CENPK: variants seen among roughly 807,000 people sequenced by gnomAD.
CENPK encodes the protein centromere protein K.
A neutral mutation model predicts 40.9 loss-of-function variants in CENPK; 46 were observed. The ratio of observed to expected loss-of-function variants is 1.13; its 90% CI spans 0.89 to 1.44. CENPK has a LOEUF of 1.44. CENPK is among the 40% of genes most tolerant of loss of function. The pLI, the probability that CENPK is intolerant of heterozygous loss-of-function variation, is 0.00. For missense variants in CENPK, 288 were observed against 303.5 expected (o/e 0.95, Z 0.38); for synonymous variants, 107 against 104.4 (o/e 1.02, Z -0.15).
At chr5:65,554,967 T>C (rs1730556237) in intron 2 of CENPK, 21 bp from the exon 3 acceptor site, 1 of 989,342 alleles carries the variant, frequency 1.0e-6, no homozygotes. Flanking sequence ...AAATATTTAT[T>C]CATTCAGCAG....
chr5:65,510,128 C>T, the CENPK span, among the ~76,000 whole-genome samples: 5 of 152,060 alleles, frequency 3.3e-5, no homozygotes, highest in Non-Finnish European at 5.9e-5. Context: ...TTTAAATCAA[C>T]AGCTGAAAAA....
intron 6 of CENPK, among the ~76,000 whole-genome samples, chr5:65,541,023 A>G (rs1357061744): frequency 1.3e-5 from 2 of 151,952 alleles, no homozygotes; most frequent in East Asian, 1.9e-4. Context: ...GGCTTTTGCC[A>G]TATTGCCCAG....
chr5:65,499,741 A>C, the CENPK span, among the ~76,000 whole-genome samples: 1 of 120,682 alleles, frequency 8.3e-6, no homozygotes, highest in Non-Finnish European at 1.7e-5. Context: ...ATATGTATAC[A>C]TGTGCCATGC....
chr5:65,536,635 T>A (rs71626581), intron 6 of CENPK, among the ~76,000 whole-genome samples: 51,941 of 150,464 alleles, frequency 0.35, 9,396 homozygotes, highest in East Asian at 0.57. Flanking sequence ...AGAAAAAATA[T>A]ATATATATGT....
Position 65,529,144 on chromosome 5 carries a change from T to C in CENPK, c.344A>G (p.Asn115Ser), listed in dbSNP as rs1745280061. Residue 115 changes from asparagine to serine, a missense_variant, in exon 7 of 11, where the codon AAT becomes AGT. Asn to Ser is a conservative substitution (Grantham distance 46). Coordinates refer to ENST00000396679, the MANE Select transcript of CENPK (RefSeq NM_022145.5). ...EMVLSTKESKNEKLKEDLERE... is the reference protein window; with the variant it reads ...EMVLSTKESKSEKLKEDLERE... ...TTCTAAGTCTTCCTTTAACTTTTCA[T>C]TCTTTGACTCCTTAGTGGACAGTAC... 1 of 1,610,854 alleles carries C rather than the reference T, an allele frequency of 6.2e-7. No individual in the cohort carries two copies.
At chr5:65,514,263 G>GTTTTTTTTTTTTTTTTTTTTTTTTTTTT (rs59636233), downstream of CENPK, among the ~76,000 whole-genome samples, 5 of 27,732 alleles carry the variant, frequency 1.8e-4, no homozygotes, top group South Asian at 2.0e-3. Context: ...TTTTTTTTTA[G>GTTTTTTTTTTTTTTTTTTTTTTTTTTTT]TTTTTTTTAG....
intron 4 of CENPK, 120 bp from the exon 5 acceptor site, chr5:65,551,756 G>A (rs1003090125): frequency 2.9e-5 from 14 of 475,732 alleles, no homozygotes; most frequent in Middle Eastern, 8.3e-4. Context: ...TAACTCTCAC[G>A]CTGCTCCAGA....
chr5:65,553,140 A>C (rs574812847), intron 3 of CENPK, among the ~76,000 whole-genome samples: 1 of 152,302 alleles, frequency 6.6e-6, no homozygotes, highest in African/African-American at 2.4e-5. Flanking sequence ...AATTATCCTG[A>C]AAATACATTA....
the CENPK span, among the ~76,000 whole-genome samples, chr5:65,509,757 T>C: frequency 6.6e-6 from 1 of 152,224 alleles, no homozygotes; most frequent in Non-Finnish European, 1.5e-5. Context: ...TTGGTAACCC[T>C]GTGTTGAGCA....
At chr5:65,533,119 G>A (rs1330565036) in intron 6 of CENPK, among the ~76,000 whole-genome samples, 2 of 151,764 alleles carry the variant, frequency 1.3e-5, no homozygotes, top group African/African-American at 4.8e-5. Context: ...CAGCACTTTG[G>A]GAGGCCGAGG....
intron 5 of CENPK, among the ~76,000 whole-genome samples, chr5:65,545,338 A>ATG (rs1748717763): frequency 2.9e-5 from 1 of 34,224 alleles, no homozygotes; most frequent in Non-Finnish European, 9.3e-5. Flanking sequence ...ACACACACAC[A>ATG]CACACACACA....
chr5:65,559,631 A>G (rs1191029956), intron 2 of CENPK, among the ~76,000 whole-genome samples: 2 of 29,544 alleles, frequency 6.8e-5, no homozygotes, highest in African/African-American at 1.5e-4. Context: ...TCCGTCTCAG[A>G]AAAAAAAAAA....
chr5:65,524,597 C>T (rs1335407889), intron 9 of CENPK: 1 of 153,506 alleles, frequency 6.5e-6, no homozygotes, highest in Non-Finnish European at 1.4e-5. Flanking sequence ...AGGAGAATCG[C>T]TTGAACCCAG....
intron 9 of CENPK, among the ~76,000 whole-genome samples, chr5:65,525,722 C>T (rs911661148): frequency 6.6e-6 from 1 of 152,092 alleles, no homozygotes; most frequent in Admixed American, 6.5e-5. Flanking sequence ...TCATAAGAAT[C>T]GGGCCCTAAT....
chr5:65,556,018 T>C (rs1234871819), intron 2 of CENPK, among the ~76,000 whole-genome samples: 2 of 152,348 alleles, frequency 1.3e-5, no homozygotes, highest in East Asian at 1.9e-4. Flanking sequence ...AGACTGCACA[T>C]ATAACAGTGG....
chr5:65,513,135 AAC>A (rs1329020180), downstream of CENPK, among the ~76,000 whole-genome samples: 5 of 152,274 alleles, frequency 3.3e-5, no homozygotes, highest in East Asian at 1.9e-4. Flanking sequence ...TTTTCATTTT[AAC>A]AGTGTCCTTC....
At chr5:65,544,598 A>G (rs1440420940) in intron 5 of CENPK, among the ~76,000 whole-genome samples, 1 of 152,242 alleles carries the variant, frequency 6.6e-6, no homozygotes, top group Non-Finnish European at 1.5e-5. Flanking sequence ...GGCAGCACTC[A>G]CATTCACAGT....
intron 10 of CENPK, among the ~76,000 whole-genome samples, chr5:65,519,633 T>C (rs1445680504): frequency 1.3e-5 from 2 of 152,170 alleles, no homozygotes; most frequent in Non-Finnish European, 2.9e-5. Context: ...ATTTATACAA[T>C]TACAAAGTGC....
At chr5:65,547,471 G>A (rs1038007088) in intron 5 of CENPK, among the ~76,000 whole-genome samples, 4 of 151,944 alleles carry the variant, frequency 2.6e-5, no homozygotes, top group Admixed American at 6.6e-5. Flanking sequence ...AAGACATACG[G>A]TTGAAGACAA....
Sources: allele counts gnomAD v4.1 joint callset (sites outside exome capture counted in the v4.1 genomes callset), GRCh38; gene constraint gnomAD v4.1.1; transcripts MANE v1.5; gene names NCBI Gene and HGNC (gene_info 2026-07-23, HGNC 2026-07-21).